ASH1L: variants seen among roughly 807,000 people sequenced by gnomAD.
ASH1L encodes ASH1 like histone lysine methyltransferase.
A neutral mutation model predicts 269.0 loss-of-function variants in ASH1L; 23 were observed. The observed-to-expected ratio is 0.09, with a 90% CI of 0.06 to 0.12. The LOEUF is 0.12. Among genes scored for constraint, ASH1L ranks in the 10% least tolerant of loss-of-function variants. The probability of loss-of-function intolerance (pLI) is 1.00; values close to 1 mark genes in which losing one functional copy is unlikely to be tolerated. For synonymous variants in ASH1L, 1,187 were observed against 1,253.5 expected, an observed-to-expected ratio of 0.95 and a Z score of 1.12; for missense variants, 2,912 against 3,567.8, an observed-to-expected ratio of 0.82 and a Z score of 4.68.
intron 7 of ASH1L, among the ~76,000 whole-genome samples, chr1:155,386,010 CAT>C (rs1011535592): frequency 2.6e-5 from 4 of 151,772 alleles, no homozygotes; most frequent in Admixed American, 6.6e-5. Flanking sequence ...GAGGGAGAGA[CAT>C]ATGATTGTTG....
intron 7 of ASH1L, 138 bp from the exon 8 acceptor site, chr1:155,380,254 T>C (rs1024440405): frequency 9.8e-6 from 6 of 614,466 alleles, no homozygotes; most frequent in Non-Finnish European, 1.7e-5. Context: ...CCATCACCAA[T>C]TTTTAATTTT....
intron 4 of ASH1L, among the ~76,000 whole-genome samples, chr1:155,444,291 T>TA (rs1421049581): frequency 1.3e-5 from 2 of 152,180 alleles, no homozygotes; most frequent in Non-Finnish European, 2.9e-5. Flanking sequence ...CTAGAATTAC[T>TA]AAATCAACTA....
At chr1:155,562,808 TCCTCCTCCTCCA>T (rs1672128759), upstream of ASH1L, 1 of 542,180 alleles carries the variant, frequency 1.8e-6, no homozygotes, top group African/African-American at 2.0e-5. Context: ...AGCCTCCTCC[TCCTCCTCCTCCA>T]CCTCCTCTTC....
chr1:155,377,414 G>A (rs779186042), intron 10 of ASH1L, among the ~76,000 whole-genome samples: 11 of 152,034 alleles, frequency 7.2e-5, no homozygotes, highest in Non-Finnish European at 1.6e-4. Flanking sequence ...TTGAGAGCTA[G>A]GAAGGTACCT....
rs1237143525 is a variant in ASH1L, at chr1:155,479,517, T to C, written c.3353A>G (p.Gln1118Arg). 1.2e-6 allele frequency: 2 copies of C among 1,614,220 alleles called. No individual in the cohort carries two copies. Among genetic ancestry groups the C allele is most frequent in the Non-Finnish European group, 1.7e-6 (2 of 1,180,020 alleles). The change falls in exon 3 of 28, where the codon CAG becomes CGG. Residue 1118 changes from glutamine (Q) to arginine (R), a missense_variant. This residue lies in a region of ASH1L where 157 missense variants were observed against 154.6 expected (regional missense o/e 1.02). Transcript: ENST00000392403. The part of the protein sequence containing the change: ...CSQSSGTSGG[Q>R]SPVSSDAGFV... ...ACCTGCATCACTACTTACAGGGCTC[T>C]GACCTCCACTAGTCCCAGAAGACTG...
chr1:155,489,992 G>A (rs1023723490), intron 2 of ASH1L, among the ~76,000 whole-genome samples: 7 of 149,340 alleles, frequency 4.7e-5, no homozygotes, highest in Admixed American at 1.3e-4. Context: ...TTTTTGAGAC[G>A]GAGTCTCGCT....
intron 6 of ASH1L, among the ~76,000 whole-genome samples, chr1:155,401,701 T>C (rs1250639133): frequency 2.6e-5 from 4 of 151,740 alleles, no homozygotes; most frequent in East Asian, 3.9e-4. Flanking sequence ...GGTAGGAGAA[T>C]TGCCTGAACC....
chr1:155,535,233 A>AT (rs112674447), intron 1 of ASH1L, among the ~76,000 whole-genome samples: 427 of 140,692 alleles, frequency 3.0e-3, no homozygotes, highest in African/African-American at 7.1e-3. Context: ...TTATCTGAGG[A>AT]TTTTTTTTTT....
At chr1:155,551,944 C>T (rs936611569) in intron 1 of ASH1L, among the ~76,000 whole-genome samples, 1 of 152,006 alleles carries the variant, frequency 6.6e-6, no homozygotes, top group African/African-American at 2.4e-5. Context: ...CCATTGCACT[C>T]CAGCCTGGGC....
At chr1:155,432,407 T>A (rs1254542718) in intron 5 of ASH1L, among the ~76,000 whole-genome samples, 1 of 152,182 alleles carries the variant, frequency 6.6e-6, no homozygotes, top group Non-Finnish European at 1.5e-5. Flanking sequence ...GTAGGAAAAG[T>A]TTCTAGATTT....
intron 3 of ASH1L, among the ~76,000 whole-genome samples, chr1:155,472,665 C>T (rs1243045558): frequency 6.6e-6 from 1 of 152,146 alleles, no homozygotes; most frequent in Non-Finnish European, 1.5e-5. Flanking sequence ...ATACAAGCAG[C>T]AATGAAAAAG....
chr1:155,481,289 G>A lies in ASH1L; in HGVS notation c.1581C>T (p.Cys527=). The A allele has an allele frequency of 6.2e-7, 1 of 1,614,144 alleles. No individual in the cohort carries two copies. Residue 527 remains cysteine, a synonymous_variant, in exon 3 of 28, where the codon TGC becomes TGT. Coordinates refer to ENST00000392403, the MANE Select transcript of ASH1L (RefSeq NM_018489.3). The part of the protein sequence containing the change: ...SKHEKQPPVY[C]TSPDFKMGGA... ...CTCCCATTTTAAAGTCCGGAGAAGT[G>A]CAATATACAGGAGGCTGCTTTTCAT...
At chr1:155,429,969 C>A (rs949472417) in intron 5 of ASH1L, among the ~76,000 whole-genome samples, 2 of 151,596 alleles carry the variant, frequency 1.3e-5, no homozygotes, top group Admixed American at 6.6e-5. Flanking sequence ...GCACGTCCAG[C>A]TGATTTTTAA....
At position 155,521,632 on chromosome 1, in the gene ASH1L, C is replaced by A; in HGVS notation, c.-99-14G>T. ...CAGCATCTTTCTCTGCAGAACAGAT[C>A]ATAACAAAAATTTATCAGAAAAGAG... On this transcript the variant is annotated splice_polypyrimidine_tract_variant and intron_variant, in intron 1 of 27. Coordinates refer to ENST00000392403, the MANE Select transcript of ASH1L (RefSeq NM_018489.3). The A allele has an allele frequency of 9.8e-7, 1 of 1,016,084 alleles. No individual in the cohort carries two copies. The highest frequency in any genetic ancestry group is 2.4e-5 in the East Asian group (1 of 41,068). The allele number at this position is 1,016,084 out of a possible 1,614,324, so 62.9% of individuals were successfully genotyped here. A position where few individuals can be genotyped will look rare whatever the true frequency, so the allele number is the denominator to read the frequency against.
intron 19 of ASH1L, 78 bp from the exon 20 acceptor site, chr1:155,347,982 A>G: frequency 1.3e-6 from 2 of 1,575,392 alleles, no homozygotes; most frequent in Middle Eastern, 1.7e-4. Flanking sequence ...GTAGCAAGGT[A>G]GCATGACTTT....
At chr1:155,415,995 A>G in intron 5 of ASH1L, 72 bp from the exon 6 acceptor site, 1 of 1,277,980 alleles carries the variant, frequency 7.8e-7, no homozygotes, top group Non-Finnish European at 1.0e-6. Context: ...TCTACTTAAA[A>G]AAAAAAAACC....
At chr1:155,400,867 T>G (rs1658777207) in intron 6 of ASH1L, among the ~76,000 whole-genome samples, 1 of 152,074 alleles carries the variant, frequency 6.6e-6, no homozygotes, top group Non-Finnish European at 1.5e-5. Flanking sequence ...AAAAGATAAA[T>G]TAAGATCATG....
chr1:155,401,509 C>T (rs916532729), intron 6 of ASH1L, among the ~76,000 whole-genome samples: 2 of 147,034 alleles, frequency 1.4e-5, no homozygotes, highest in East Asian at 2.0e-4. Context: ...TGGTAGGGCA[C>T]GGTGGCTCAC....
At chr1:155,358,135 G>A (rs1351897056) in intron 13 of ASH1L, among the ~76,000 whole-genome samples, 1 of 151,990 alleles carries the variant, frequency 6.6e-6, no homozygotes, top group Non-Finnish European at 1.5e-5. Context: ...TGAGCATTTG[G>A]ACACACATTA....
Sources: gnomAD v4.1 joint callset for allele counts (sites outside exome capture counted in the v4.1 genomes callset) on GRCh38, gnomAD v4.1.1 for gene constraint, gnomAD v4.1.1 regional missense constraint, MANE v1.5 for transcripts, NCBI Gene and HGNC (gene_info 2026-07-23, HGNC 2026-07-21) for gene names.